The following PPFIA2 variants were observed in gnomAD, a reference collection of about 807,000 sequenced individuals.
The protein encoded by PPFIA2 is liprin-alpha-2.
A neutral mutation model predicts 175.5 loss-of-function variants in PPFIA2; 46 were observed. That is an observed-to-expected ratio of 0.26 (90% CI 0.21 to 0.34). The LOEUF (loss-of-function observed/expected upper bound fraction) is 0.34. Among genes scored for constraint, PPFIA2 ranks in the 10% least tolerant of loss-of-function variants. PPFIA2 has a pLI of 1.00. For missense variants in PPFIA2, 1,179 were observed against 1,506.1 expected, an observed-to-expected ratio of 0.78 and a Z score of 3.60; for synonymous variants, 568 against 511.4, an observed-to-expected ratio of 1.11 and a Z score of -1.49.
intron 3 of PPFIA2, among the ~76,000 whole-genome samples, chr12:81,719,694 GATC>G (rs2079080370): frequency 6.6e-6 from 1 of 151,380 alleles, no homozygotes; most frequent in African/African-American, 2.4e-5. Flanking sequence ...ATCTTAAAAA[GATC>G]ACAGATGAAA....
rs553347838 is a variant in PPFIA2, at chr12:81,346,058, TA to T, written c.2233-1366del. ...CTTAAAGAGGTAACTGTCTTCTTTT[TA>T]AAAAAAATTCACAATTTTTCTTTTA... On this transcript the variant is annotated intron_variant, in intron 18 of 32. Coordinates refer to ENST00000549396, the MANE Select transcript of PPFIA2 (RefSeq NM_003625.5). Among the ~76,000 whole-genome samples the T allele has an allele frequency of 2.3e-3, 348 of 152,172 alleles. 1 individual carries two copies. The highest frequency in any genetic ancestry group is 8.1e-3 in the African/African-American group (336 of 41,526).
chr12:81,559,816 G>A (rs1354420936), intron 4 of PPFIA2, among the ~76,000 whole-genome samples: 2 of 128,938 alleles, frequency 1.6e-5, no homozygotes, highest in African/African-American at 5.4e-5. Flanking sequence ...TTTTTTTTTT[G>A]TTGTTGTTTT....
At chr12:81,396,699 A>AT (rs902687916) in intron 8 of PPFIA2, among the ~76,000 whole-genome samples, 3 of 152,094 alleles carry the variant, frequency 2.0e-5, no homozygotes, top group Non-Finnish European at 4.4e-5. Context: ...ATCCATAGAC[A>AT]TTTTTTTAAA....
In PPFIA2 at chr12:81,603,471, A is replaced by G. The variant is rs191178715; in HGVS notation, c.303+73320T>C. On this transcript the variant is annotated intron_variant, in intron 4 of 32. Coordinates refer to ENST00000549396, the MANE Select transcript of PPFIA2 (RefSeq NM_003625.5). ...TTGTACTCATGGTAAACACAAAAGT[A>G]TGTTTACATTTGAGGAGCTTTTATT... is the stretch of plus-strand genomic sequence containing the variant. Among the ~76,000 whole-genome samples, 16 of 151,756 alleles carry G rather than the reference A, an allele frequency of 1.1e-4. No homozygotes were observed. In the East Asian group the frequency reaches 2.9e-3, roughly 28 times the overall value.
At chr12:81,498,667 C>T (rs928353472) in intron 4 of PPFIA2, among the ~76,000 whole-genome samples, 1 of 152,094 alleles carries the variant, frequency 6.6e-6, no homozygotes, top group Non-Finnish European at 1.5e-5. Flanking sequence ...CTCTGTCACC[C>T]AGGCTTGAGT....
chr12:81,436,990 T>C (rs2049176047), intron 7 of PPFIA2, among the ~76,000 whole-genome samples: 1 of 152,162 alleles, frequency 6.6e-6, no homozygotes, highest in Admixed American at 6.5e-5. Context: ...GCAAAACAAA[T>C]GGCATTCAGA....
Position 81,708,901 on chromosome 12 carries a change from A to G in PPFIA2, c.250-32057T>C, listed in dbSNP as rs2077537315. ...AAAACAGTGTTGTTTCAGGCAGGCA[A>G]TGCTAAAGGTTCTAACTGAATTTTC... On this transcript the variant is annotated intron_variant, in intron 3 of 32. Transcript: ENST00000549396. Among the ~76,000 whole-genome samples the G allele has an allele frequency of 3.3e-5, 5 of 152,324 alleles. No individual in the cohort carries two copies. In the South Asian group the frequency reaches 1.0e-3, roughly 32 times the overall value.
intron 3 of PPFIA2, among the ~76,000 whole-genome samples, chr12:81,699,181 T>C (rs554357954): frequency 6.6e-6 from 1 of 152,210 alleles, no homozygotes; most frequent in South Asian, 2.1e-4. Flanking sequence ...TGTGATCTAC[T>C]CATGTCCTCA....
At position 81,281,342 on chromosome 12, in the gene PPFIA2, C is replaced by A; in HGVS notation, c.3127G>T (p.Glu1043Ter). 6.2e-7 allele frequency: 1 copy of A among 1,611,124 alleles called. No individual in the cohort carries two copies. The highest frequency in any genetic ancestry group is 8.5e-7 in the Non-Finnish European group (1 of 1,177,688). ...AACATTCTTGCATCTACCAAGCATTCCATAAAGTAACTTCTGTACTGAGGT... is the reference window on the plus strand; with the variant it reads ...AACATTCTTGCATCTACCAAGCATTACATAAAGTAACTTCTGTACTGAGGT... ...GLPQYRSYFM[E>*]CLVDARMLDH... Residue 1043 changes from glutamate (E) to a stop codon, truncating the protein, a stop_gained, in exon 27 of 33, where the codon GAA (glutamate) becomes TAA (stop). Transcript: ENST00000549396. LOFTEE classifies it high-confidence loss of function.
intron 4 of PPFIA2, among the ~76,000 whole-genome samples, chr12:81,484,522 T>C (rs1215308900): frequency 6.6e-6 from 1 of 152,018 alleles, no homozygotes; most frequent in Non-Finnish European, 1.5e-5. Flanking sequence ...TCATTTGCCA[T>C]AATGAATTTA....
intron 3 of PPFIA2, among the ~76,000 whole-genome samples, chr12:81,753,725 T>C (rs937927751): frequency 6.6e-6 from 1 of 152,126 alleles, no homozygotes; most frequent in Admixed American, 6.5e-5. Context: ...AACACATAAA[T>C]ACAATTTTTA....
chr12:81,699,511 T>C (rs1344543623), intron 3 of PPFIA2, among the ~76,000 whole-genome samples: 1 of 151,294 alleles, frequency 6.6e-6, no homozygotes, highest in African/African-American at 2.4e-5. Context: ...TAAGCTCTTA[T>C]TGAAGACATA....
In PPFIA2 at chr12:81,281,522, T is replaced by C. The variant is rs2042087203; in HGVS notation, c.3019-72A>G. The C allele has an allele frequency of 3.1e-6, 3 of 983,324 alleles. No individual in the cohort carries two copies. In the African/African-American group the frequency reaches 4.9e-5, roughly 16 times the overall value. The allele number at this position is 983,324 out of a possible 1,614,324, so 60.9% of individuals were successfully genotyped here. On this transcript the variant is annotated intron_variant, in intron 26 of 32. Transcript: ENST00000549396. ...ATGGTAATTGGATAATATTACCTAT[T>C]ATTATAACTGATATTTAATTACTAT...
At chr12:81,472,792 C>T (rs1173053295) in intron 4 of PPFIA2, 2 of 152,138 alleles carry the variant, frequency 1.3e-5, no homozygotes, top group African/African-American at 4.8e-5. Flanking sequence ...ACAAATAATG[C>T]TTCACATTAA....
chr12:81,488,757 A>G (rs765111067), intron 4 of PPFIA2, among the ~76,000 whole-genome samples: 3 of 151,766 alleles, frequency 2.0e-5, no homozygotes, highest in Admixed American at 6.6e-5. Context: ...CCCATTGATG[A>G]GAATATATAT....
intron 7 of PPFIA2, among the ~76,000 whole-genome samples, chr12:81,415,120 A>G (rs1209494325): frequency 1.4e-5 from 2 of 139,410 alleles, no homozygotes; most frequent in East Asian, 2.1e-4. Flanking sequence ...TGAATAATCA[A>G]ATTGCTTTGA....
intron 23 of PPFIA2, among the ~76,000 whole-genome samples, chr12:81,295,753 G>A (rs1414574204): frequency 2.0e-5 from 3 of 152,150 alleles, no homozygotes; most frequent in Non-Finnish European, 4.4e-5. Context: ...CACTTTGGGA[G>A]GCCGAGGTGG....
intron 3 of PPFIA2, among the ~76,000 whole-genome samples, chr12:81,692,737 T>A (rs958233144): frequency 1.3e-5 from 2 of 152,124 alleles, no homozygotes; most frequent in African/African-American, 4.8e-5. Flanking sequence ...CATAAAATTG[T>A]ACACATAACT....
intron 22 of PPFIA2, among the ~76,000 whole-genome samples, chr12:81,301,895 C>A (rs1385604202): frequency 6.6e-6 from 1 of 152,082 alleles, no homozygotes; most frequent in Non-Finnish European, 1.5e-5. Flanking sequence ...CCATTGTTTG[C>A]TTTATTTTTC....
Sources: gnomAD v4.1 joint callset for allele counts (sites outside exome capture counted in the v4.1 genomes callset) on GRCh38, gnomAD v4.1.1 for gene constraint, MANE v1.5 for transcripts, NCBI Gene and HGNC (gene_info 2026-07-23, HGNC 2026-07-21) for gene names.